Variants in TEX53 observed in about 807,000 individuals in gnomAD.
The protein encoded by TEX53 is testis-expressed protein 53.
In TEX53 at chr9:114,657,210, A is replaced by C. The variant is rs1015889096; in HGVS notation, c.109+456T>G. On this transcript the variant is annotated intron_variant, in intron 1 of 1. Coordinates refer to ENST00000423632, the MANE Select transcript of TEX53 (RefSeq NM_001354645.2). ...GTCTTCTTTGTGTGGGGCCATATGCATTCACTTACACACGGTGCCTGCCTT... is the reference window on the plus strand; with the variant it reads ...GTCTTCTTTGTGTGGGGCCATATGCCTTCACTTACACACGGTGCCTGCCTT... Among the ~76,000 whole-genome samples, 3 of 152,100 alleles carry C rather than the reference A, an allele frequency of 2.0e-5. No homozygotes were observed. The East Asian group carries it at 5.8e-4, about 29-fold the overall frequency.
rs1827709526 is a variant in TEX53 at position 114,656,611 on chromosome 9, T to C, written c.131A>G (p.His44Arg). ...TGGATGTCTTTTTGGTACAGCACTGTGGAGAGAATTTGTGTTCAGATCTGA... is the reference window on the plus strand; with the variant it reads ...TGGATGTCTTTTTGGTACAGCACTGCGGAGAGAATTTGTGTTCAGATCTGA... ...RSFNLNTNSLHSAVPKRHPRL... is the reference protein window; with the variant it reads ...RSFNLNTNSLRSAVPKRHPRL... Residue 44 changes from histidine to arginine, a missense_variant, in exon 2 of 2, where the codon CAC becomes CGC. By Grantham distance (29) the His-to-Arg change is conservative. Coordinates refer to ENST00000423632, the MANE Select transcript of TEX53 (RefSeq NM_001354645.2). The C allele has an allele frequency of 2.5e-6, 1 of 398,594 alleles. No individual in the cohort carries two copies. The highest frequency in any genetic ancestry group is 4.4e-5 in the Admixed American group (1 of 22,730). The allele number at this position is 398,594 out of a possible 1,614,324, so 24.7% of individuals were successfully genotyped here.
chr9:114,657,641 T>C (rs1426434355), intron 1 of TEX53, 25 bp downstream of exon 1: 7 of 398,516 alleles, frequency 1.8e-5, no homozygotes, highest in Non-Finnish European at 3.1e-5. Flanking sequence ...CCTGACACTA[T>C]CACACACCCA....
Position 114,656,445 on chromosome 9 carries a change from A to T in TEX53, c.*84T>A. The T allele has an allele frequency of 2.5e-6, 1 of 395,926 alleles. No individual in the cohort carries two copies. The highest frequency in any genetic ancestry group is 1.3e-4 in the South Asian group (1 of 7,640). 24.5% of individuals were successfully genotyped at this position (395,926 alleles called of 1,614,324 possible). ...GGGAGTTTCTGAATCAGTCTTCATG[A>T]CTCTTGTCCACTGCCCTCTTCCTCA... On this transcript the variant is annotated 3_prime_UTR_variant, in exon 2 of 2. Coordinates refer to ENST00000423632, the MANE Select transcript of TEX53 (RefSeq NM_001354645.2).
intron 1 of TEX53, among the ~76,000 whole-genome samples, chr9:114,657,183 A>G (rs1484587220): frequency 1.3e-5 from 2 of 151,950 alleles, no homozygotes; most frequent in African/African-American, 4.8e-5. Context: ...GCCTTGTTGA[A>G]TGTCTTCTTT....
intron 1 of TEX53, 82 bp from the exon 2 acceptor site, chr9:114,656,714 C>T: frequency 2.5e-6 from 1 of 397,276 alleles, no homozygotes; most frequent in Non-Finnish European, 4.4e-6. Context: ...ATACTCCACT[C>T]AGAGACTCCT....
intron 1 of TEX53, among the ~76,000 whole-genome samples, chr9:114,657,065 A>G (rs1827721884): frequency 6.6e-6 from 1 of 151,944 alleles, no homozygotes; most frequent in African/African-American, 2.4e-5. Flanking sequence ...TTTAGTAGAG[A>G]CGGGGTTTCA....
At chr9:114,657,628 G>C (rs2133749100) in intron 1 of TEX53, 38 bp downstream of exon 1, 1 of 398,664 alleles carries the variant, frequency 2.5e-6, no homozygotes, top group South Asian at 1.3e-4. Flanking sequence ...TCATTCAGGT[G>C]TTCCTGACAC....
At position 114,656,565 on chromosome 9, in the gene TEX53, G is replaced by A. The variant is rs886819281; in HGVS notation, c.177C>T (p.Arg59=). The change falls in exon 2 of 2, where the codon CGC becomes CGT. Residue 59 remains arginine (R), a synonymous_variant. Coordinates refer to ENST00000423632, the MANE Select transcript of TEX53 (RefSeq NM_001354645.2). ...KRHPRLPYDN[R]MMLKACILRR... The stretch of plus-strand genomic sequence containing the variant: ...TAAGGATGCACGCCTTGAGCATCAT[G>A]CGGTTGTCATAGGGGAGGCGTGGAT... 3.0e-5 allele frequency: 12 copies of A among 398,500 alleles called. No individual in the cohort carries two copies. In the South Asian group the frequency reaches 5.1e-4, roughly 17 times the overall value. 24.7% of individuals were successfully genotyped at this position (398,500 alleles called of 1,614,324 possible).
intron 1 of TEX53, 80 bp from the exon 2 acceptor site, chr9:114,656,712 C>T: frequency 2.5e-6 from 1 of 397,408 alleles, no homozygotes; most frequent in Non-Finnish European, 4.4e-6. Context: ...CCATACTCCA[C>T]TCAGAGACTC....
At chr9:114,657,108 C>A (rs1213977716) in intron 1 of TEX53, among the ~76,000 whole-genome samples, 2 of 152,182 alleles carry the variant, frequency 1.3e-5, no homozygotes. Context: ...GATCTCCTGA[C>A]CTCGTGATCT....
chr9:114,657,147 A>C (rs1240890036), intron 1 of TEX53, among the ~76,000 whole-genome samples: 1 of 152,160 alleles, frequency 6.6e-6, no homozygotes, highest in East Asian at 1.9e-4. Flanking sequence ...AAGTGCTGGG[A>C]TTACAGGCGT....
Position 114,656,586 on chromosome 9 carries a change from T to C in TEX53, c.156A>G (p.Pro52=). The C allele has an allele frequency of 2.5e-6, 1 of 398,512 alleles. No homozygotes were observed. The highest frequency in any genetic ancestry group is 4.4e-6 in the Non-Finnish European group (1 of 226,060). 24.7% of individuals were successfully genotyped at this position (398,512 alleles called of 1,614,324 possible). Residue 52 remains proline, a synonymous_variant, in exon 2 of 2, where the codon CCA becomes CCG. Transcript: ENST00000423632. ...SLHSAVPKRH[P]RLPYDNRMML... ...TCATGCGGTTGTCATAGGGGAGGCG[T>C]GGATGTCTTTTTGGTACAGCACTGT...
Position 114,656,376 on chromosome 9 carries a change from T to C in TEX53, c.*153A>G, listed in dbSNP as rs1351890006. 2.6e-6 allele frequency: 1 copy of C among 389,492 alleles called. No homozygotes were observed. The highest frequency in any genetic ancestry group is 2.1e-5 in the African/African-American group (1 of 48,322). The allele number at this position is 389,492 out of a possible 1,614,324, so 24.1% of individuals were successfully genotyped here. A position where few individuals can be genotyped will look rare whatever the true frequency, so the allele number is the denominator to read the frequency against. On this transcript the variant is annotated 3_prime_UTR_variant, in exon 2 of 2. Transcript: ENST00000423632. ...CTTTTTCAGAAGCTGGAGTGACTCTTGGTGGTGGCACAGGGATGGCTCAGA... is the reference window on the plus strand; with the variant it reads ...CTTTTTCAGAAGCTGGAGTGACTCTCGGTGGTGGCACAGGGATGGCTCAGA...
Position 114,656,342 on chromosome 9 carries a change from C to G in TEX53, c.*187G>C, listed in dbSNP as rs1827705774. ...GACTTTAATTGGAGGCGGCTCCCCC[C>G]CACGGTGGCTTTTTCAGAAGCTGGA... On this transcript the variant is annotated 3_prime_UTR_variant, in exon 2 of 2. Coordinates refer to ENST00000423632, the MANE Select transcript of TEX53 (RefSeq NM_001354645.2). The G allele has an allele frequency of 7.8e-6, 3 of 386,712 alleles. No homozygotes were observed. The highest frequency in any genetic ancestry group is 1.4e-5 in the Non-Finnish European group (3 of 219,406). 24.0% of individuals were successfully genotyped at this position (386,712 alleles called of 1,614,324 possible). A position where few individuals can be genotyped will look rare whatever the true frequency, so the allele number is the denominator to read the frequency against.
intron 1 of TEX53, among the ~76,000 whole-genome samples, chr9:114,657,220 A>ATG (rs1827723964): frequency 1.3e-5 from 2 of 151,988 alleles, no homozygotes; most frequent in Admixed American, 1.3e-4. Flanking sequence ...ATTCACTTAC[A>ATG]CACGGTGCCT....
rs367639432 is a variant in TEX53 at position 114,656,536 on chromosome 9, C to T, written c.206G>A (p.Arg69Lys). 1 of 398,628 alleles carries T rather than the reference C, an allele frequency of 2.5e-6. No individual in the cohort carries two copies. The highest frequency in any genetic ancestry group is 4.4e-6 in the Non-Finnish European group (1 of 226,092). The allele number at this position is 398,628 out of a possible 1,614,324, so 24.7% of individuals were successfully genotyped here. Reference sequence around the variant, plus strand: ...TGCCGCCGGCTAGAATGCTCATGGCCTCCTAAGGATGCACGCCTTGAGCAT... The same window carrying T: ...TGCCGCCGGCTAGAATGCTCATGGCTTCCTAAGGATGCACGCCTTGAGCAT... ...RMMLKACILR[R>K]P The change falls in exon 2 of 2, where the codon AGG (arginine) becomes AAG (lysine). Residue 69 changes from arginine (R) to lysine (K), a missense_variant. By Grantham distance (26) the Arg-to-Lys change is conservative. Transcript: ENST00000423632.
At chr9:114,657,350 A>T (rs1827725572) in intron 1 of TEX53, among the ~76,000 whole-genome samples, 2 of 152,236 alleles carry the variant, frequency 1.3e-5, no homozygotes, top group Admixed American at 6.5e-5. Context: ...CTCAGTAAGC[A>T]GCAGAGGCAG....
intron 1 of TEX53, among the ~76,000 whole-genome samples, chr9:114,657,280 C>T (rs972195972): frequency 6.6e-6 from 1 of 152,160 alleles, no homozygotes; most frequent in African/African-American, 2.4e-5. Context: ...TTATCGTTAT[C>T]CTCATTTTGG....
At chr9:114,657,275 G>C (rs771430149) in intron 1 of TEX53, among the ~76,000 whole-genome samples, 12 of 152,252 alleles carry the variant, frequency 7.9e-5, no homozygotes, top group South Asian at 6.2e-4. Flanking sequence ...ATATATTATC[G>C]TTATCCTCAT....
Sources: allele counts gnomAD v4.1 joint callset (sites outside exome capture counted in the v4.1 genomes callset), GRCh38; gene constraint gnomAD v4.1.1; transcripts MANE v1.5; gene names NCBI Gene and HGNC (gene_info 2026-07-23, HGNC 2026-07-21).